Variants in CD48 observed in about 807,000 individuals in gnomAD.
CD48 encodes the protein CD48 molecule.
CD48 carries 20 observed loss-of-function variants against 22.0 expected under a neutral mutation model. That is an observed-to-expected ratio of 0.91 (90% CI 0.64 to 1.32). The LOEUF is 1.32. CD48 is among the 40% of genes most tolerant of loss of function. CD48 has a pLI of 0.00. For synonymous variants in CD48, 110 were observed against 110.1 expected (o/e 1.00, Z 0.01); for missense variants, 307 against 286.5 (o/e 1.07, Z -0.52).
chr1:160,686,806 C>T lies in CD48; in HGVS notation c.83-1617G>A, dbSNP rs529147086. 9 of 152,128 alleles carry T rather than the reference C, an allele frequency of 5.9e-5. 1 individual carries two copies. Among genetic ancestry groups the T allele is most frequent in the South Asian group, 2.1e-4 (1 of 4,812 alleles). The allele number at this position is 152,128 out of a possible 1,614,324, so 9.4% of individuals were successfully genotyped here. ...TGGGTGACAGACATCAAGTACTTAA[C>T]GGGGTATTAGAATACCATAAGGCAA... On this transcript the variant is annotated intron_variant, in intron 1 of 3. Coordinates refer to ENST00000368046, the MANE Select transcript of CD48 (RefSeq NM_001778.4).
rs188128696 is a variant in CD48 at position 160,681,282 on chromosome 1, G to T, written c.572C>A (p.Ser191Tyr). The change falls in exon 3 of 4, where the codon TCC becomes TAC. Residue 191 changes from serine (S) to tyrosine (Y), a missense_variant. Ser to Tyr is a moderately radical substitution (Grantham distance 144). Coordinates refer to ENST00000368046, the MANE Select transcript of CD48 (RefSeq NM_001778.4). ...GCTGACTTGGCAAGTATAACACCTGGAGTAATTATGTGGCATAAGGGTGGT... is the reference window on the plus strand; with the variant it reads ...GCTGACTTGGCAAGTATAACACCTGTAGTAATTATGTGGCATAAGGGTGGT... ...LETTLMPHNY[S>Y]RCYTCQVSNS... The T allele has an allele frequency of 1.9e-6, 3 of 1,614,196 alleles. No homozygotes were observed. In the Admixed American group the frequency reaches 5.0e-5, roughly 27 times the overall value.
At chr1:160,682,927 A>G (rs910207463) in intron 2 of CD48, among the ~76,000 whole-genome samples, 6 of 152,312 alleles carry the variant, frequency 3.9e-5, no homozygotes, top group South Asian at 2.1e-4. Flanking sequence ...CTCAAATCCC[A>G]TAAGATTAAA....
chr1:160,679,507 T>G (rs1392751757), intron 3 of CD48, among the ~76,000 whole-genome samples: 1 of 152,094 alleles, frequency 6.6e-6, no homozygotes, highest in Admixed American at 6.5e-5. Flanking sequence ...AAAGGACCAC[T>G]TCCTTTCCTT....
At chr1:160,696,228 A>G (rs1207307776) in intron 1 of CD48, among the ~76,000 whole-genome samples, 2 of 152,310 alleles carry the variant, frequency 1.3e-5, no homozygotes, top group East Asian at 1.9e-4. Context: ...CAGTCATTAC[A>G]GTGTTACAAG....
intron 2 of CD48, among the ~76,000 whole-genome samples, chr1:160,682,457 C>CAAAA (rs71579678): frequency 1.9e-5 from 1 of 53,270 alleles, no homozygotes; most frequent in Admixed American, 1.9e-4. Flanking sequence ...AGAAGACCTT[C>CAAAA]AAAAAAAAAA....
chr1:160,702,987 A>G (rs1662681451), intron 1 of CD48, among the ~76,000 whole-genome samples: 1 of 152,276 alleles, frequency 6.6e-6, no homozygotes, highest in South Asian at 2.1e-4. Context: ...TTGTTTAACT[A>G]TGGTAAAAGG....
At chr1:160,696,560 A>G (rs504716) in intron 1 of CD48, among the ~76,000 whole-genome samples, 120,072 of 146,272 alleles carry the variant, frequency 0.82, 47,834 homozygotes, top group Admixed American at 0.86. Context: ...GATGTCACAT[A>G]GAAACAGGCA....
chr1:160,699,169 ATG>A (rs1315057860), intron 1 of CD48: 1 of 154,322 alleles, frequency 6.5e-6, no homozygotes, highest in Non-Finnish European at 1.4e-5. Flanking sequence ...CTGTTAATCT[ATG>A]ACCTTACCCC....
chr1:160,696,214 G>C (rs953307122), intron 1 of CD48, among the ~76,000 whole-genome samples: 2 of 152,312 alleles, frequency 1.3e-5, no homozygotes, highest in Admixed American at 6.5e-5. Context: ...AGCAGAGTTG[G>C]TTGCAGTCAT....
intron 1 of CD48, among the ~76,000 whole-genome samples, chr1:160,701,666 T>C (rs1182696739): frequency 1.3e-5 from 2 of 152,162 alleles, no homozygotes; most frequent in African/African-American, 2.4e-5. Context: ...CCAGTAAATC[T>C]CTACCCCAAA....
At chr1:160,679,302 A>G (rs1435515887) in intron 3 of CD48, among the ~76,000 whole-genome samples, 171 bp from the exon 4 acceptor site, 1 of 152,174 alleles carries the variant, frequency 6.6e-6, no homozygotes, top group Non-Finnish European at 1.5e-5. Flanking sequence ...AATCTCCCCA[A>G]ACATAAAGTA....
chr1:160,687,148 C>A (rs1262322353), intron 1 of CD48, among the ~76,000 whole-genome samples: 1 of 152,254 alleles, frequency 6.6e-6, no homozygotes, highest in Middle Eastern at 3.4e-3. Flanking sequence ...AAAAAGAACT[C>A]AGCGATATTT....
At chr1:160,688,667 C>T (rs1037594417) in intron 1 of CD48, among the ~76,000 whole-genome samples, 2 of 152,156 alleles carry the variant, frequency 1.3e-5, no homozygotes, top group Non-Finnish European at 2.9e-5. Flanking sequence ...GCAGTCCAGA[C>T]ATGGCAATAG....
Position 160,678,929 on chromosome 1 carries a change from C to T in CD48, c.*123G>A, listed in dbSNP as rs1661704538. 11 of 686,058 alleles carry T rather than the reference C, an allele frequency of 1.6e-5. No individual in the cohort carries two copies. The highest frequency in any genetic ancestry group is 5.3e-5 in the Admixed American group (2 of 37,386). The allele number at this position is 686,058 out of a possible 1,614,324, so 42.5% of individuals were successfully genotyped here. On this transcript the variant is annotated 3_prime_UTR_variant, in exon 4 of 4. Coordinates refer to ENST00000368046, the MANE Select transcript of CD48 (RefSeq NM_001778.4). ...ATTTAAAAGTTAACTTGAAAATCCT[C>T]GTTGATAATTCAGCAGCATGCTTCT...
intron 1 of CD48, among the ~76,000 whole-genome samples, chr1:160,705,827 C>G (rs1047459205): frequency 6.6e-5 from 10 of 152,106 alleles, no homozygotes; most frequent in African/African-American, 2.4e-4. Flanking sequence ...AAGATGTTTG[C>G]CAGCATTCCT....
chr1:160,688,025 C>T (rs938927473), intron 1 of CD48, among the ~76,000 whole-genome samples: 8 of 152,218 alleles, frequency 5.3e-5, no homozygotes, highest in African/African-American at 1.4e-4. Flanking sequence ...GTATTCCAAT[C>T]GCACTGCATT....
chr1:160,698,036 C>T (rs1371974877), intron 1 of CD48, among the ~76,000 whole-genome samples: 4 of 152,162 alleles, frequency 2.6e-5, no homozygotes, highest in Non-Finnish European at 5.9e-5. Flanking sequence ...GGCCTCACAC[C>T]ACATTAGAAT....
rs369513437 is a variant in CD48 at position 160,701,983 on chromosome 1, G to A, written c.82+9699C>T. On this transcript the variant is annotated intron_variant, in intron 1 of 3. Transcript: ENST00000368046. ...TTTTCACCGCCGGAGCCTATCCCAG[G>A]GCCACATGTCTTATCGCCTTTGTTT... is the stretch of plus-strand genomic sequence containing the variant. Among the ~76,000 whole-genome samples the A allele has an allele frequency of 1.7e-4, 26 of 152,214 alleles. 1 individual carries two copies. The South Asian group carries it at 5.4e-3, about 32-fold the overall frequency.
chr1:160,706,562 C>T (rs941833495), intron 1 of CD48, among the ~76,000 whole-genome samples: 5 of 152,056 alleles, frequency 3.3e-5, no homozygotes, highest in African/African-American at 1.2e-4. Context: ...CTTAACAATT[C>T]CACTTTTTAG....
Sources: gnomAD v4.1 joint callset for allele counts (sites outside exome capture counted in the v4.1 genomes callset) on GRCh38, gnomAD v4.1.1 for gene constraint, MANE v1.5 for transcripts, NCBI Gene and HGNC (gene_info 2026-07-23, HGNC 2026-07-21) for gene names.